The following DNAI7 variants were observed in gnomAD, a reference collection of about 807,000 sequenced individuals.
DNAI7 encodes dynein axonemal intermediate chain 7, also known as cancer susceptibility 1.
A neutral mutation model predicts 86.6 loss-of-function variants in DNAI7; 78 were observed. The observed-to-expected ratio is 0.90, with a 90% CI of 0.75 to 1.09. DNAI7 has a LOEUF of 1.09. Ranked by LOEUF, DNAI7 falls within the 50% of genes least tolerant of loss-of-function variation. The pLI is 0.00. For missense variants in DNAI7, 753 were observed against 810.2 expected (o/e 0.93, Z 0.86); for synonymous variants, 274 against 273.0 (o/e 1.00, Z -0.04).
Position 25,144,474 on chromosome 12 carries a change from A to T in DNAI7, c.893T>A (p.Ile298Asn), listed in dbSNP as rs748739943. ...GGACTCTTCTTCGACCTCCTTGCTGATTGCTTTTTCTACATTCTTAACATC... is the reference window on the plus strand; with the variant it reads ...GGACTCTTCTTCGACCTCCTTGCTGTTTGCTTTTTCTACATTCTTAACATC... ...KDDVKNVEKA[I>N]SKEVEEESKQ... The change falls in exon 9 of 16, where the codon ATC becomes AAC. Residue 298 changes from isoleucine to asparagine, a missense_variant. Physicochemically the swap from Ile to Asn is moderately radical, Grantham distance 149 (BLOSUM62 -3). Transcript: ENST00000395987. 6.2e-7 allele frequency: 1 copy of T among 1,613,922 alleles called. No homozygotes were observed. Among genetic ancestry groups the T allele is most frequent in the South Asian group, 1.1e-5 (1 of 91,064 alleles).
intron 2 of DNAI7, among the ~76,000 whole-genome samples, chr12:25,174,751 T>C (rs1320330905): frequency 6.9e-6 from 1 of 145,644 alleles, no homozygotes; most frequent in South Asian, 2.1e-4. Flanking sequence ...ATATATATCA[T>C]ATATATATAT....
intron 5 of DNAI7, among the ~76,000 whole-genome samples, chr12:25,155,096 G>C (rs573749540): frequency 6.6e-6 from 1 of 152,170 alleles, no homozygotes; most frequent in East Asian, 1.9e-4. Flanking sequence ...AATTGAGTCA[G>C]AGTCAAAGAA....
intron 11 of DNAI7, among the ~76,000 whole-genome samples, chr12:25,120,555 T>C (rs987794612): frequency 2.1e-4 from 22 of 106,392 alleles, no homozygotes; most frequent in Non-Finnish European, 3.3e-4. Flanking sequence ...ACCCCGTCTC[T>C]ACTAAAAATA....
downstream of DNAI7, among the ~76,000 whole-genome samples, chr12:25,107,340 T>C (rs1194236834): frequency 6.6e-6 from 1 of 152,224 alleles, no homozygotes; most frequent in Non-Finnish European, 1.5e-5. Context: ...GTTATAGGCA[T>C]GTATCCATAG....
At chr12:25,192,427 G>A (rs934521994) in intron 1 of DNAI7, among the ~76,000 whole-genome samples, 5 of 152,170 alleles carry the variant, frequency 3.3e-5, no homozygotes, top group African/African-American at 1.2e-4. Flanking sequence ...GAATCATATG[G>A]GAAGCTTGTT....
chr12:25,128,955 A>AC (rs1942507338), intron 9 of DNAI7, among the ~76,000 whole-genome samples: 1 of 152,212 alleles, frequency 6.6e-6, no homozygotes, highest in African/African-American at 2.4e-5. Flanking sequence ...ATAAAAGCCT[A>AC]AATTCTCACT....
intron 11 of DNAI7, among the ~76,000 whole-genome samples, chr12:25,120,946 C>G (rs904700198): frequency 6.6e-6 from 1 of 152,126 alleles, no homozygotes; most frequent in Non-Finnish European, 1.5e-5. Flanking sequence ...CTGCAGATTC[C>G]GTAGCTCTGA....
At chr12:25,112,609 T>C (rs1459802130) in intron 13 of DNAI7, among the ~76,000 whole-genome samples, 1 of 152,004 alleles carries the variant, frequency 6.6e-6, no homozygotes, top group African/African-American at 2.4e-5. Flanking sequence ...GGTTTCACCG[T>C]GTTAGCCAGG....
At position 25,144,474 on chromosome 12, in the gene DNAI7, A is replaced by G; in HGVS notation, c.893T>C (p.Ile298Thr). The G allele has an allele frequency of 6.2e-6, 10 of 1,613,922 alleles. No homozygotes were observed. Among genetic ancestry groups the G allele is most frequent in the Non-Finnish European group, 8.5e-7 (1 of 1,179,950 alleles). ...GGACTCTTCTTCGACCTCCTTGCTGATTGCTTTTTCTACATTCTTAACATC... is the reference window on the plus strand; with the variant it reads ...GGACTCTTCTTCGACCTCCTTGCTGGTTGCTTTTTCTACATTCTTAACATC... ...KDDVKNVEKAISKEVEEESKQ... is the reference protein window; with the variant it reads ...KDDVKNVEKATSKEVEEESKQ... Residue 298 changes from isoleucine (I) to threonine (T), a missense_variant, in exon 9 of 16, where the codon ATC (isoleucine) becomes ACC (threonine). Ile to Thr is a moderately conservative substitution (Grantham distance 89, BLOSUM62 -1). Coordinates refer to ENST00000395987, the MANE Select transcript of DNAI7 (RefSeq NM_018272.5).
chr12:25,151,340 T>C (rs1945515268), intron 6 of DNAI7, among the ~76,000 whole-genome samples: 1 of 152,222 alleles, frequency 6.6e-6, no homozygotes, highest in African/African-American at 2.4e-5. Context: ...TAAATAAATT[T>C]GAAAATTTGG....
chr12:25,164,997 C>G, intron 2 of DNAI7, among the ~76,000 whole-genome samples: 1 of 152,194 alleles, frequency 6.6e-6, no homozygotes, highest in East Asian at 1.9e-4. Context: ...AAGGTTAATG[C>G]TCCTTTTTCT....
rs547808414 is a variant in DNAI7, at chr12:25,129,067, C to T, written c.1003-5781G>A. On this transcript the variant is annotated intron_variant, in intron 9 of 15. Transcript: ENST00000395987. ...CATCATACATCAGTCGCTGGCCTTC[C>T]TTCTCACTTCTGTTTTATGACTTCT... 5.9e-5 allele frequency among the ~76,000 whole-genome samples: 9 copies of T among 152,302 alleles called. No homozygotes were observed. The East Asian group carries it at 1.7e-3, about 29-fold the overall frequency.
intron 2 of DNAI7, among the ~76,000 whole-genome samples, chr12:25,188,537 T>A (rs573893623): frequency 4.3e-4 from 66 of 152,208 alleles, no homozygotes; most frequent in African/African-American, 1.4e-3. Flanking sequence ...ACACCTCATC[T>A]CCAAACTGCA....
chr12:25,124,900 G>T lies in DNAI7; in HGVS notation c.1003-1614C>A, dbSNP rs146246307. On this transcript the variant is annotated intron_variant, in intron 9 of 15. Transcript: ENST00000395987. ...TGGTTTTATGTTCCTGCATTAGTTT[G>T]CTAAGGATAATAGCCTTCAGCTCCA... Among the ~76,000 whole-genome samples, 13 of 149,398 alleles carry T rather than the reference G, an allele frequency of 8.7e-5. 1 individual carries two copies. The highest frequency in any genetic ancestry group is 2.9e-4 in the African/African-American group (12 of 41,318).
At chr12:25,150,279 C>A (rs539862285) in intron 6 of DNAI7, among the ~76,000 whole-genome samples, 2 of 152,132 alleles carry the variant, frequency 1.3e-5, no homozygotes, top group African/African-American at 4.8e-5. Context: ...ATGGCAAACA[C>A]CTTAACCATG....
chr12:25,147,022 G>A lies in DNAI7; in HGVS notation c.668C>T (p.Ala223Val). ...GTACCTTGGATTCTTCTTGAGGTTT[G>A]CCCACACATACAGAGTAACATTTTC... ...KDENVTLYVW[A>V]NLKKNPRHRS... The change falls in exon 8 of 16, where the codon GCA becomes GTA. Residue 223 changes from alanine to valine, a missense_variant. Physicochemically the swap from Ala to Val is moderately conservative, Grantham distance 64 (BLOSUM62 0). Coordinates refer to ENST00000395987, the MANE Select transcript of DNAI7 (RefSeq NM_018272.5). 1 of 1,591,422 alleles carries A rather than the reference G, an allele frequency of 6.3e-7. No individual in the cohort carries two copies. The highest frequency in any genetic ancestry group is 8.6e-7 in the Non-Finnish European group (1 of 1,159,560).
intron 9 of DNAI7, among the ~76,000 whole-genome samples, chr12:25,137,378 G>A (rs75565288): frequency 0.027 from 4,066 of 152,164 alleles, 177 homozygotes; most frequent in African/African-American, 0.093. Context: ...TTGCTAAAAG[G>A]AGTTATAAAT....
At chr12:25,113,282 T>C (rs1448413328) in intron 13 of DNAI7, among the ~76,000 whole-genome samples, 3 of 35,186 alleles carry the variant, frequency 8.5e-5, no homozygotes, top group African/African-American at 4.7e-4. Context: ...GTTGTTGCTG[T>C]TGTTGTTGTT....
intron 2 of DNAI7, among the ~76,000 whole-genome samples, chr12:25,162,544 A>C (rs1028481880): frequency 9.2e-5 from 14 of 152,220 alleles, no homozygotes; most frequent in African/African-American, 3.1e-4. Flanking sequence ...ATTCATAGAA[A>C]GAGTGGTTAA....
Sources: allele counts gnomAD v4.1 joint callset (sites outside exome capture counted in the v4.1 genomes callset), GRCh38; gene constraint gnomAD v4.1.1; transcripts MANE v1.5; gene names NCBI Gene and HGNC (gene_info 2026-07-23, HGNC 2026-07-21).